SSBP2: variants seen among roughly 807,000 people sequenced by gnomAD.
The protein encoded by SSBP2 is single stranded DNA binding protein 2, also known as single-stranded DNA-binding protein 2.
A neutral mutation model predicts 61.8 loss-of-function variants in SSBP2; 17 were observed. The ratio of observed to expected loss-of-function variants is 0.28; its 90% CI spans 0.19 to 0.41. SSBP2 has a LOEUF of 0.41. Ranked by LOEUF, SSBP2 falls within the 10% of genes least tolerant of loss-of-function variation. SSBP2 has a pLI of 1.00. For synonymous variants in SSBP2, 139 were observed against 141.3 expected (o/e 0.98, Z 0.12); for missense variants, 310 against 458.7 (o/e 0.68, Z 2.96).
chr5:81,746,299 T>C (rs926746453), intron 1 of SSBP2, among the ~76,000 whole-genome samples: 5 of 152,040 alleles, frequency 3.3e-5, no homozygotes, highest in African/African-American at 4.8e-5. Flanking sequence ...AAACAACTTG[T>C]ATTTTGGGGG....
chr5:81,486,810 A>G (rs1483658242), intron 6 of SSBP2, among the ~76,000 whole-genome samples: 1 of 152,172 alleles, frequency 6.6e-6, no homozygotes, highest in East Asian at 1.9e-4. Flanking sequence ...TCTATAGGAG[A>G]AAAATGCTCC....
rs202149161 is a variant in SSBP2, at chr5:81,722,397, G to GT, written c.62+28583dup. On this transcript the variant is annotated intron_variant, in intron 1 of 16. Transcript: ENST00000320672. ...GCCTTACTCTCTTCAGTATAATTTT[G>GT]TTTTTTTTTTTTTTCAAAATGAGGG... Among the ~76,000 whole-genome samples the GT allele has an allele frequency of 7.3e-3, 990 of 136,290 alleles. 7 individuals carry two copies. The highest frequency in any genetic ancestry group is 0.019 in the East Asian group (82 of 4,310). The allele number at this position is 136,290 out of a possible 152,430, so 89.4% of individuals were successfully genotyped here. A position where few individuals can be genotyped will look rare whatever the true frequency, so the allele number is the denominator to read the frequency against.
At chr5:81,527,527 G>T (rs1011164179) in intron 4 of SSBP2, among the ~76,000 whole-genome samples, 2 of 151,978 alleles carry the variant, frequency 1.3e-5, no homozygotes, top group Non-Finnish European at 2.9e-5. Flanking sequence ...TGAAAGACAG[G>T]CATGGGAGAA....
chr5:81,643,093 T>A (rs1305719671), intron 2 of SSBP2, among the ~76,000 whole-genome samples: 2 of 152,156 alleles, frequency 1.3e-5, no homozygotes, highest in African/African-American at 4.8e-5. Context: ...AGTTCTGCCA[T>A]CAGGAGACAC....
chr5:81,597,143 C>T (rs567599991), intron 4 of SSBP2, among the ~76,000 whole-genome samples: 10 of 152,034 alleles, frequency 6.6e-5, no homozygotes, highest in Non-Finnish European at 1.2e-4. Context: ...GAATCTACAA[C>T]AAACTCAAAC....
intron 2 of SSBP2, among the ~76,000 whole-genome samples, chr5:81,648,691 A>T (rs1395865269): frequency 2.0e-5 from 3 of 152,048 alleles, no homozygotes; most frequent in Non-Finnish European, 2.9e-5. Flanking sequence ...ATAATTTAAA[A>T]TTTTTTAATT....
rs532787773 is a variant in SSBP2 at position 81,643,167 on chromosome 5, G to A, written c.136-6549C>T. On this transcript the variant is annotated intron_variant, in intron 2 of 16. Transcript: ENST00000320672. ...TGCCTCTGGCTCCAAAAGTGAAGCC[G>A]GGATAGCACGATTCTGGATGCCGGC... is the stretch of plus-strand genomic sequence containing the variant. Among the ~76,000 whole-genome samples the A allele has an allele frequency of 5.9e-5, 9 of 152,236 alleles. No homozygotes were observed. The South Asian group carries it at 1.2e-3, about 21-fold the overall frequency.
At chr5:81,611,867 T>C (rs370793026) in intron 4 of SSBP2, among the ~76,000 whole-genome samples, 1 of 152,276 alleles carries the variant, frequency 6.6e-6, no homozygotes, top group East Asian at 1.9e-4. Context: ...CAGAAATCCA[T>C]ATCTATGTAA....
Position 81,699,987 on chromosome 5 carries a change from A to T in SSBP2, c.63-49648T>A, listed in dbSNP as rs1181354533. Among the ~76,000 whole-genome samples the T allele has an allele frequency of 2.6e-5, 4 of 151,156 alleles. No individual in the cohort carries two copies. In the Admixed American group the frequency reaches 2.7e-4, roughly 10 times the overall value. On this transcript the variant is annotated intron_variant, in intron 1 of 16. Transcript: ENST00000320672. ...CTTTCCACCTGAAGTGGCTACAGGCACCTGCCACCACACCTAGCTAAATTT... is the reference window on the plus strand; with the variant it reads ...CTTTCCACCTGAAGTGGCTACAGGCTCCTGCCACCACACCTAGCTAAATTT...
At chr5:81,594,607 G>A (rs1293399348) in intron 4 of SSBP2, among the ~76,000 whole-genome samples, 1 of 152,158 alleles carries the variant, frequency 6.6e-6, no homozygotes, top group African/African-American at 2.4e-5. Context: ...GCACTCCTCA[G>A]CAAATGTAAA....
At chr5:81,667,630 T>C (rs1181207445) in intron 1 of SSBP2, among the ~76,000 whole-genome samples, 3 of 151,986 alleles carry the variant, frequency 2.0e-5, no homozygotes, top group African/African-American at 7.3e-5. Flanking sequence ...CTTTACAGTA[T>C]CATTACTGTA....
At chr5:81,665,467 G>C (rs1341975532) in intron 1 of SSBP2, among the ~76,000 whole-genome samples, 1 of 151,722 alleles carries the variant, frequency 6.6e-6, no homozygotes, top group Non-Finnish European at 1.5e-5. Context: ...ACGTAAAATA[G>C]ATTAGGTTTT....
intron 10 of SSBP2, among the ~76,000 whole-genome samples, chr5:81,460,143 G>A (rs1049055987): frequency 2.0e-5 from 3 of 152,054 alleles, no homozygotes; most frequent in African/African-American, 4.8e-5. Flanking sequence ...ACACTGGATC[G>A]GTTTCATATT....
At chr5:81,433,369 C>A (rs1245172212) in intron 15 of SSBP2, among the ~76,000 whole-genome samples, 1 of 151,932 alleles carries the variant, frequency 6.6e-6, no homozygotes, top group Non-Finnish European at 1.5e-5. Flanking sequence ...GGATTAAGGG[C>A]GGTGCAAGAT....
chr5:81,646,493 C>T (rs564341418), intron 2 of SSBP2, among the ~76,000 whole-genome samples: 15 of 151,922 alleles, frequency 9.9e-5, no homozygotes, highest in African/African-American at 3.4e-4. Context: ...CTACTCAGAC[C>T]AGTTAAGAAG....
At chr5:81,493,714 C>T (rs1385545816) in intron 5 of SSBP2, among the ~76,000 whole-genome samples, 1 of 151,876 alleles carries the variant, frequency 6.6e-6, no homozygotes, top group African/African-American at 2.4e-5. Context: ...CAAGACCATG[C>T]CATTGCATTC....
intron 3 of SSBP2, among the ~76,000 whole-genome samples, chr5:81,619,511 A>G (rs1389115807): frequency 1.4e-5 from 2 of 145,424 alleles, no homozygotes; most frequent in African/African-American, 2.6e-5. Context: ...TCACAGCCGA[A>G]TTCTACCAGA....
intron 4 of SSBP2, among the ~76,000 whole-genome samples, chr5:81,545,150 T>C (rs1771631502): frequency 6.6e-6 from 1 of 152,212 alleles, no homozygotes; most frequent in African/African-American, 2.4e-5. Flanking sequence ...ATAAAACACA[T>C]ATTTTTTTAG....
At chr5:81,475,034 A>C (rs992144829) in intron 6 of SSBP2, among the ~76,000 whole-genome samples, 15 of 152,224 alleles carry the variant, frequency 9.9e-5, no homozygotes, top group Non-Finnish European at 2.9e-5. Flanking sequence ...GAAATTATTT[A>C]GCGAAATAAC....
Sources: allele counts gnomAD v4.1 joint callset (sites outside exome capture counted in the v4.1 genomes callset), GRCh38; gene constraint gnomAD v4.1.1; transcripts MANE v1.5; gene names NCBI Gene and HGNC (gene_info 2026-07-23, HGNC 2026-07-21).